The following SEMA7A variants were observed in gnomAD, a reference collection of about 807,000 sequenced individuals.
SEMA7A encodes semaphorin 7A (JohnMiltonHagen blood group).
A neutral mutation model predicts 67.5 loss-of-function variants in SEMA7A; 21 were observed. The ratio of observed to expected loss-of-function variants is 0.31; its 90% confidence interval spans 0.22 to 0.45. The LOEUF (loss-of-function observed/expected upper bound fraction) is 0.45. SEMA7A is among the 20% of genes least tolerant of loss of function. The pLI, the probability that SEMA7A is intolerant of heterozygous loss-of-function variation, is 1.00. For synonymous variants in SEMA7A, 364 were observed against 368.5 expected (o/e 0.99, Z 0.14); for missense variants, 774 against 908.6 (o/e 0.85, Z 1.90).
chr15:74,425,514 G>A (rs988661734), intron 1 of SEMA7A, among the ~76,000 whole-genome samples: 1 of 152,162 alleles, frequency 6.6e-6, no homozygotes, highest in African/African-American at 2.4e-5. Context: ...GACAGATGAG[G>A]AGACCAAAGC....
intron 1 of SEMA7A, among the ~76,000 whole-genome samples, chr15:74,425,165 AGAG>A (rs2061033331): frequency 6.6e-6 from 1 of 152,238 alleles, no homozygotes; most frequent in South Asian, 2.1e-4. Context: ...CAGAGATGCC[AGAG>A]GAGGAGGAGG....
chr15:74,411,459 A>G lies in SEMA7A; in HGVS notation c.1577+97T>C. 1.3e-6 allele frequency: 2 copies of G among 1,546,636 alleles called. No homozygotes were observed. The stretch of plus-strand genomic sequence containing the variant: ...TTCCAGCAGAGAGGAGGGTCCCACA[A>G]GAAAGGCCCAGTACCGCCACCTCCT... On this transcript the variant is annotated intron_variant, in intron 12 of 13. Transcript: ENST00000261918. This position sits in a 1 kb window ranked among gnomAD's most constrained non-coding sequence, Gnocchi z 4.4.
chr15:74,410,914 G>T lies in SEMA7A; in HGVS notation c.1711C>A (p.Arg571Ser). 5.0e-6 allele frequency: 8 copies of T among 1,614,162 alleles called. No homozygotes were observed. The highest frequency in any genetic ancestry group is 6.8e-6 in the Non-Finnish European group (8 of 1,180,036). ...TGGCGCCATGAGTAGGTGGCGTGGC[G>T]GGATTCCATGGGGCAGCTCAGGTAG... ...RYYLSCPMESRHATYSWRHKE... is the reference protein window; with the variant it reads ...RYYLSCPMESSHATYSWRHKE... Residue 571 changes from arginine (R) to serine (S), a missense_variant, in exon 14 of 14, where the codon CGC becomes AGC. This residue lies in a region of SEMA7A where 427 missense variants were observed against 555.4 expected (regional missense o/e 0.77). Transcript: ENST00000261918. The surrounding 1 kb of genome is among the most constrained non-coding windows in gnomAD (Gnocchi z 7.5).
At position 74,410,650 on chromosome 15, in the gene SEMA7A, G is replaced by A. The variant is rs778629503; in HGVS notation, c.1975C>T (p.Leu659Phe). 5 of 1,601,404 alleles carry A rather than the reference G, an allele frequency of 3.1e-6. No homozygotes were observed. Among genetic ancestry groups the A allele is most frequent in the Non-Finnish European group, 4.3e-6 (5 of 1,171,832 alleles). ...TAGTGGACCAGCAAGCCAAGAGTGAGTGTGGGCAGCACCCCCAGCCAGAGG... is the reference window on the plus strand; with the variant it reads ...TAGTGGACCAGCAAGCCAAGAGTGAATGTGGGCAGCACCCCCAGCCAGAGG... ...ASLWLGVLPT[L>F]TLGLLVH is the part of the protein sequence containing the mutation. The change falls in exon 14 of 14, where the codon CTC (leucine) becomes TTC (phenylalanine). Residue 659 changes from leucine to phenylalanine, a missense_variant. By Grantham distance (22) the Leu-to-Phe change is conservative. Around this residue, in one of 2 missense-constraint regions of SEMA7A, gnomAD observed 427 missense variants for 555.4 expected, o/e 0.77. Coordinates refer to ENST00000261918, the MANE Select transcript of SEMA7A (RefSeq NM_003612.5). The surrounding 1 kb of genome is among the most constrained non-coding windows in gnomAD (Gnocchi z 7.5).
intron 6 of SEMA7A, 21 bp from the exon 7 acceptor site, chr15:74,416,735 T>C (rs774870334): frequency 6.2e-7 from 1 of 1,612,404 alleles, no homozygotes; most frequent in African/African-American, 1.3e-5. Context: ...CAGAGGCGAG[T>C]GGGCGTAAGG....
intron 7 of SEMA7A, 26 bp downstream of exon 7, chr15:74,416,537 ACAGACACGTAGC>A (rs1241016907): frequency 6.2e-7 from 1 of 1,606,120 alleles, no homozygotes; most frequent in Admixed American, 1.7e-5. Flanking sequence ...CTATTCATGC[ACAGACACGTAGC>A]CAGCAGCCCT....
intron 1 of SEMA7A, chr15:74,427,320 G>C: frequency 1.0e-6 from 1 of 985,370 alleles, no homozygotes; most frequent in Non-Finnish European, 1.2e-6. Context: ...AGCAAGACTG[G>C]GGCAGGCCAA....
Position 74,418,823 on chromosome 15 carries a change from C to A in SEMA7A, c.308G>T (p.Gly103Val). 1 of 1,613,846 alleles carries A rather than the reference C, an allele frequency of 6.2e-7. No individual in the cohort carries two copies. Among genetic ancestry groups the A allele is most frequent in the Non-Finnish European group, 8.5e-7 (1 of 1,179,962 alleles). Residue 103 changes from glycine (G) to valine (V), a missense_variant, in exon 2 of 14, where the codon GGC (glycine) becomes GTC (valine). This residue lies in a region of SEMA7A where 347 missense variants were observed against 353.2 expected (regional missense o/e 0.98). Transcript: ENST00000261918. ...GKVYLFDFPE[G>V]KNASVRTVNI... ...CACCGTGCGCACAGATGCGTTCTTG[C>A]CCTCGGGGAAGTCAAAGAGGTAGAC...
At chr15:74,427,094 TA>T in intron 1 of SEMA7A, 1 of 435,484 alleles carries the variant, frequency 2.3e-6, no homozygotes, top group Non-Finnish European at 3.1e-6. Flanking sequence ...AAAATGTAGC[TA>T]AATCCCTTGG....
chr15:74,418,359 C>T, intron 2 of SEMA7A, 50 bp from the exon 3 acceptor site: 1 of 1,579,212 alleles, frequency 6.3e-7, no homozygotes, highest in Non-Finnish European at 8.7e-7. Flanking sequence ...GTGAGGTACC[C>T]CTGAAATGCT....
intron 1 of SEMA7A, among the ~76,000 whole-genome samples, chr15:74,433,098 C>G (rs2061104353): frequency 6.6e-6 from 1 of 152,118 alleles, no homozygotes; most frequent in African/African-American, 2.4e-5. Flanking sequence ...AAGGGGGGAG[C>G]GGCCGGTCCC....
chr15:74,414,807 G>T lies in SEMA7A; in HGVS notation c.1095+31C>A. The T allele has an allele frequency of 1.9e-6, 3 of 1,613,774 alleles. No individual in the cohort carries two copies. The highest frequency in any genetic ancestry group is 2.5e-6 in the Non-Finnish European group (3 of 1,179,670). ...TGGGAGGTGAGGCAGAAGGAGGGCT[G>T]GGCCTGGGCCACGGCTGGTGTCACG... is the stretch of plus-strand genomic sequence containing the variant. On this transcript the variant is annotated intron_variant, in intron 9 of 13. Transcript: ENST00000261918. This position sits in a 1 kb window ranked among gnomAD's most constrained non-coding sequence, Gnocchi z 4.1.
Position 74,411,135 on chromosome 15 carries a change from C to G in SEMA7A, c.1640-150G>C. On this transcript the variant is annotated intron_variant, in intron 13 of 13. Coordinates refer to ENST00000261918, the MANE Select transcript of SEMA7A (RefSeq NM_003612.5). This position sits in a 1 kb window ranked among gnomAD's most constrained non-coding sequence, Gnocchi z 4.4. ...AGCGTCCTCCTTTTTTCTCCCGTCT[C>G]GCTCATCCCACCAAGAGGGCTCCCT... is the stretch of plus-strand genomic sequence containing the variant. The G allele has an allele frequency of 1.5e-6, 2 of 1,350,282 alleles. No individual in the cohort carries two copies. Among genetic ancestry groups the G allele is most frequent in the Non-Finnish European group, 2.0e-6 (2 of 999,590 alleles). The allele number at this position is 1,350,282 out of a possible 1,614,324, so 83.6% of individuals were successfully genotyped here.
chr15:74,416,769 A>G (rs1034207337), intron 6 of SEMA7A, 55 bp from the exon 7 acceptor site: 2 of 1,588,586 alleles, frequency 1.3e-6, no homozygotes, highest in Non-Finnish European at 8.6e-7. Flanking sequence ...CCGGGAGACC[A>G]TCCCAACCCT....
intron 1 of SEMA7A, chr15:74,433,499 G>C: frequency 1.8e-6 from 2 of 1,141,264 alleles, no homozygotes; most frequent in Non-Finnish European, 2.2e-6. Flanking sequence ...GACTTGGTGC[G>C]ACTTAGCCGG....
chr15:74,419,006 C>T lies in SEMA7A; in HGVS notation c.179-54G>A, dbSNP rs982847363. 13 of 1,580,688 alleles carry T rather than the reference C, an allele frequency of 8.2e-6. No homozygotes were observed. In the Admixed American group the frequency reaches 1.5e-4, roughly 19 times the overall value. On this transcript the variant is annotated intron_variant, in intron 1 of 13. Transcript: ENST00000261918. ...TGAAGCCAGGTCCCGAGAGAGAAGACTCTGGGTCCCCTCCACATGGCACAC... is the reference window on the plus strand; with the variant it reads ...TGAAGCCAGGTCCCGAGAGAGAAGATTCTGGGTCCCCTCCACATGGCACAC...
chr15:74,428,332 G>A (rs1292527934), intron 1 of SEMA7A, among the ~76,000 whole-genome samples: 7 of 152,184 alleles, frequency 4.6e-5, no homozygotes, highest in Non-Finnish European at 8.8e-5. Flanking sequence ...CTGGAAACAG[G>A]CTGAGAGCTG....
At chr15:74,418,472 A>C (rs970709476) in intron 2 of SEMA7A, among the ~76,000 whole-genome samples, 163 bp from the exon 3 acceptor site, 16 of 152,214 alleles carry the variant, frequency 1.1e-4, no homozygotes, top group Admixed American at 9.8e-4. Flanking sequence ...ACCTGAGGTC[A>C]AACAGGGTCT....
rs1295751284 is a variant in SEMA7A at position 74,410,583 on chromosome 15, T to C, written c.*41A>G. On this transcript the variant is annotated 3_prime_UTR_variant, in exon 14 of 14. Coordinates refer to ENST00000261918, the MANE Select transcript of SEMA7A (RefSeq NM_003612.5). This position sits in a 1 kb window ranked among gnomAD's most constrained non-coding sequence, Gnocchi z 7.5. Reference sequence around the variant, plus strand: ...CTGAGTGTGAGACGTTCTAGTGCCCTGGGCTGCAGAAGCCTGAGGCATGCC... The same window carrying C: ...CTGAGTGTGAGACGTTCTAGTGCCCCGGGCTGCAGAAGCCTGAGGCATGCC... The C allele has an allele frequency of 5.2e-6, 8 of 1,541,276 alleles. No homozygotes were observed. Among genetic ancestry groups the C allele is most frequent in the Non-Finnish European group, 7.0e-6 (8 of 1,143,220 alleles).
Sources: gnomAD v4.1 joint callset for allele counts (sites outside exome capture counted in the v4.1 genomes callset) on GRCh38, gnomAD v4.1.1 for gene constraint, gnomAD v4.1.1 regional missense constraint, Gnocchi (gnomAD v3.1) non-coding constraint, MANE v1.5 for transcripts, NCBI Gene and HGNC (gene_info 2026-07-23, HGNC 2026-07-21) for gene names.